Variants in PPFIBP1 observed in about 807,000 individuals in gnomAD.
PPFIBP1 encodes the protein liprin-beta-1.
A neutral mutation model predicts 137.8 loss-of-function variants in PPFIBP1; 112 were observed. That is an observed-to-expected ratio of 0.81 (90% CI 0.70 to 0.95). The LOEUF is 0.95. Among genes scored for constraint, PPFIBP1 ranks in the 40% least tolerant of loss-of-function variants. The pLI is 0.00. For missense variants in PPFIBP1, 1,083 were observed against 1,196.6 expected, an observed-to-expected ratio of 0.91 and a Z score of 1.40; for synonymous variants, 378 against 417.3, an observed-to-expected ratio of 0.91 and a Z score of 1.15.
intron 1 of PPFIBP1, among the ~76,000 whole-genome samples, chr12:27,527,769 T>G (rs1005620161): frequency 6.6e-6 from 1 of 150,880 alleles, no homozygotes; most frequent in African/African-American, 2.4e-5. Flanking sequence ...GCTCCAAAAT[T>G]AAGAAAAAAA....
chr12:27,686,502 T>G (rs1173420034), intron 24 of PPFIBP1, among the ~76,000 whole-genome samples: 5 of 152,220 alleles, frequency 3.3e-5, no homozygotes, highest in African/African-American at 7.2e-5. Flanking sequence ...TATGTGATAC[T>G]TATAACTTCA....
At chr12:27,690,712 T>C (rs2061483740) in intron 27 of PPFIBP1, among the ~76,000 whole-genome samples, 2 of 152,220 alleles carry the variant, frequency 1.3e-5, no homozygotes, top group Non-Finnish European at 1.5e-5. Context: ...ATTGCAGTTG[T>C]TCTGTTTTTA....
At chr12:27,575,957 A>G (rs1255082756) in intron 1 of PPFIBP1, among the ~76,000 whole-genome samples, 14 of 152,218 alleles carry the variant, frequency 9.2e-5, no homozygotes, top group Non-Finnish European at 1.5e-5. Flanking sequence ...CTATGATGAA[A>G]ACTCAAAAAA....
intron 1 of PPFIBP1, among the ~76,000 whole-genome samples, chr12:27,541,356 T>G (rs766877463): frequency 6.6e-6 from 1 of 152,162 alleles, no homozygotes. Flanking sequence ...TTTCCCTTGA[T>G]AGAAGTGAGC....
chr12:27,561,133 G>C (rs1426684464), intron 1 of PPFIBP1, among the ~76,000 whole-genome samples: 1 of 152,166 alleles, frequency 6.6e-6, no homozygotes, highest in African/African-American at 2.4e-5. Flanking sequence ...TGAGGAGAGA[G>C]AAAAGGCCTC....
In PPFIBP1 at chr12:27,647,734, T is replaced by A; in HGVS notation, c.363T>A (p.Ser121Arg). 6.3e-7 allele frequency: 1 copy of A among 1,598,776 alleles called. No homozygotes were observed. The highest frequency in any genetic ancestry group is 8.5e-7 in the Non-Finnish European group (1 of 1,172,890). Residue 121 changes from serine (S) to arginine (R), a missense_variant, in exon 6 of 30, where the codon AGT becomes AGA. Ser to Arg is a moderately radical substitution (Grantham distance 110, BLOSUM62 -1). Transcript: ENST00000228425. ...NDKESLVLQV[S>R]VLTDQVEAQG... Reference sequence around the variant, plus strand: ...TTATTTTGCTCTAAATACAGGTAAGTGTGTTAACAGACCAGGTGGAGGCTC... The same window carrying A: ...TTATTTTGCTCTAAATACAGGTAAGAGTGTTAACAGACCAGGTGGAGGCTC...
chr12:27,571,223 G>A (rs1379334662), intron 1 of PPFIBP1, among the ~76,000 whole-genome samples: 1 of 152,156 alleles, frequency 6.6e-6, no homozygotes, highest in Non-Finnish European at 1.5e-5. Flanking sequence ...ACAAACATTG[G>A]ATTGTTTCCA....
At chr12:27,585,784 G>A (rs2051673474) in intron 2 of PPFIBP1, among the ~76,000 whole-genome samples, 1 of 152,132 alleles carries the variant, frequency 6.6e-6, no homozygotes, top group Admixed American at 6.6e-5. Flanking sequence ...ATTTGGGAGT[G>A]GGTGGGCAGC....
chr12:27,561,784 C>T lies in PPFIBP1; in HGVS notation c.-123-16368C>T, dbSNP rs551328788. Among the ~76,000 whole-genome samples, 18 of 152,268 alleles carry T rather than the reference C, an allele frequency of 1.2e-4. No individual in the cohort carries two copies. In the South Asian group the frequency reaches 1.9e-3, roughly 16 times the overall value. ...GCTTGGGATGCTTTCCCCCAGAGAG[C>T]TGCAGAGCTCACTCATTTCCTTCAC... is the stretch of plus-strand genomic sequence containing the variant. On this transcript the variant is annotated intron_variant, in intron 1 of 29. Transcript: ENST00000228425.
intron 2 of PPFIBP1, among the ~76,000 whole-genome samples, chr12:27,620,483 T>G (rs1248274069): frequency 6.6e-6 from 1 of 152,232 alleles, no homozygotes; most frequent in African/African-American, 2.4e-5. Flanking sequence ...TCCCTTCACT[T>G]TCTTCAAGGT....
intron 17 of PPFIBP1, 94 bp downstream of exon 17, chr12:27,674,315 C>T: frequency 2.4e-6 from 2 of 847,288 alleles, no homozygotes; most frequent in South Asian, 3.6e-5. Context: ...ACTTTCAGAA[C>T]CTCTAGAACA....
At chr12:27,679,151 A>AT (rs2060735204) in intron 19 of PPFIBP1, among the ~76,000 whole-genome samples, 1 of 152,160 alleles carries the variant, frequency 6.6e-6, no homozygotes, top group South Asian at 2.1e-4. Context: ...AAAGGAGATG[A>AT]TTTTGAAGGA....
intron 2 of PPFIBP1, among the ~76,000 whole-genome samples, chr12:27,596,174 A>G (rs1250552127): frequency 1.3e-5 from 2 of 151,730 alleles, no homozygotes; most frequent in African/African-American, 2.4e-5. Context: ...AACGCATTGG[A>G]ATCTATCAAT....
intron 2 of PPFIBP1, among the ~76,000 whole-genome samples, chr12:27,629,014 C>A (rs1343727837): frequency 2.0e-5 from 3 of 152,140 alleles, no homozygotes; most frequent in Non-Finnish European, 4.4e-5. Flanking sequence ...GACATTAATT[C>A]TCTAGCATTT....
intron 2 of PPFIBP1, chr12:27,593,608 G>C: frequency 2.3e-6 from 1 of 428,916 alleles, no homozygotes; most frequent in South Asian, 2.4e-5. Context: ...TTGTCTTTCA[G>C]ATTTTCTAGA....
At chr12:27,670,498 CGCTGGGCACAGTG>C (rs2060111297) in intron 13 of PPFIBP1, among the ~76,000 whole-genome samples, 1 of 152,086 alleles carries the variant, frequency 6.6e-6, no homozygotes, top group Admixed American at 6.6e-5. Flanking sequence ...TGGAGCTTTT[CGCTGGGCACAGTG>C]GCTCATGCCT....
At chr12:27,681,156 C>T (rs2060851770) in intron 21 of PPFIBP1, among the ~76,000 whole-genome samples, 1 of 152,124 alleles carries the variant, frequency 6.6e-6, no homozygotes, top group African/African-American at 2.4e-5. Flanking sequence ...TGGAAAGAAA[C>T]CATAATTCTG....
At chr12:27,551,074 G>A (rs1237469814) in intron 1 of PPFIBP1, among the ~76,000 whole-genome samples, 1 of 151,072 alleles carries the variant, frequency 6.6e-6, no homozygotes, top group Non-Finnish European at 1.5e-5. Context: ...ACAAAGATTA[G>A]TTATGTGACC....
intron 13 of PPFIBP1, among the ~76,000 whole-genome samples, chr12:27,670,176 A>G (rs1448447345): frequency 1.3e-5 from 2 of 152,184 alleles, no homozygotes; most frequent in Non-Finnish European, 2.9e-5. Flanking sequence ...CCTGCAATCT[A>G]ACTGCTCTAC....
Sources: gnomAD v4.1 joint callset for allele counts (sites outside exome capture counted in the v4.1 genomes callset) on GRCh38, gnomAD v4.1.1 for gene constraint, MANE v1.5 for transcripts, NCBI Gene and HGNC (gene_info 2026-07-23, HGNC 2026-07-21) for gene names.